Variants in TNFAIP8 observed in about 807,000 individuals in gnomAD.
TNFAIP8 encodes the protein tumor necrosis factor alpha-induced protein 8.
Under a neutral mutation model 13.3 loss-of-function variants are expected in TNFAIP8, and 7 were observed. The observed-to-expected ratio is 0.52, with a 90% CI of 0.30 to 0.99. The LOEUF (loss-of-function observed/expected upper bound fraction) is 0.99, where lower values mean the gene tolerates loss of function less well. Ranked by LOEUF, TNFAIP8 falls within the 50% of genes least tolerant of loss-of-function variation. The pLI, the probability that TNFAIP8 is intolerant of heterozygous loss-of-function variation, is 0.07. For synonymous variants in TNFAIP8, 94 were observed against 87.6 expected (o/e 1.07, Z -0.41); for missense variants, 258 against 236.9 (o/e 1.09, Z -0.58).
chr5:119,376,896 G>A (rs1236344303), intron 1 of TNFAIP8, among the ~76,000 whole-genome samples: 3 of 152,022 alleles, frequency 2.0e-5, no homozygotes, highest in South Asian at 2.1e-4. Context: ...TCGCCTTTTC[G>A]GAAAGGCCTT....
intron 1 of TNFAIP8, among the ~76,000 whole-genome samples, chr5:119,379,172 T>C (rs778122382): frequency 7.9e-5 from 12 of 152,168 alleles, no homozygotes; most frequent in Non-Finnish European, 1.5e-4. Context: ...AGAAATTGAG[T>C]TGATTTCCTG....
At chr5:119,295,253 C>T (rs1255300497) in intron 1 of TNFAIP8, among the ~76,000 whole-genome samples, 2 of 73,430 alleles carry the variant, frequency 2.7e-5, no homozygotes, top group African/African-American at 9.4e-5. Flanking sequence ...AACGTTTAGT[C>T]TAACGTTAGA....
chr5:119,318,525 G>A (rs1749963517), intron 1 of TNFAIP8, among the ~76,000 whole-genome samples: 1 of 152,030 alleles, frequency 6.6e-6, no homozygotes, highest in Non-Finnish European at 1.5e-5. Context: ...TGAACTCCTT[G>A]ACTCAAGTGA....
rs1411242532 is a variant in TNFAIP8, at chr5:119,364,635, A to G, written c.31+8514A>G. Among the ~76,000 whole-genome samples, 4 of 152,262 alleles carry G rather than the reference A, an allele frequency of 2.6e-5. No homozygotes were observed. The East Asian group carries it at 7.7e-4, about 29-fold the overall frequency. ...AGTGCTAGAATCACAGGGATGAGCC[A>G]CCGCGCCCAGTTATCACTCTTATCA... On this transcript the variant is annotated intron_variant, in intron 1 of 1. Coordinates refer to ENST00000504771, the MANE Select transcript of TNFAIP8 (RefSeq NM_014350.4).
At chr5:119,283,809 C>T (rs1015688253) in intron 1 of TNFAIP8, among the ~76,000 whole-genome samples, 1 of 152,154 alleles carries the variant, frequency 6.6e-6, no homozygotes, top group Non-Finnish European at 1.5e-5. Flanking sequence ...TGAAGCAGTA[C>T]TGGAAATGAC....
At chr5:119,296,922 T>C (rs937001208) in intron 1 of TNFAIP8, among the ~76,000 whole-genome samples, 23 of 152,068 alleles carry the variant, frequency 1.5e-4, no homozygotes, top group Non-Finnish European at 1.6e-4. Context: ...GTAGAGGTGT[T>C]TGTAGTATTC....
In TNFAIP8 at chr5:119,399,005, A is replaced by C. The variant is rs539321910; in HGVS notation, c.*5624A>C. On this transcript the variant is annotated 3_prime_UTR_variant, in exon 2 of 2. Transcript: ENST00000504771. The stretch of plus-strand genomic sequence containing the variant: ...ATTATAAAATACTATAAGACATTTA[A>C]TCTCCTGGAAGAGGACTTGCTGATA... 1.3e-5 allele frequency: 2 copies of C among 152,080 alleles called. No homozygotes were observed. Among genetic ancestry groups the C allele is most frequent in the East Asian group, 3.9e-4 (2 of 5,186 alleles). 9.4% of individuals were successfully genotyped at this position (152,080 alleles called of 1,614,324 possible). A position where few individuals can be genotyped will look rare whatever the true frequency, so the allele number is the denominator to read the frequency against.
rs931772963 is a variant in TNFAIP8, at chr5:119,322,478, CCAATAA to C, written c.1+53573_1+53578del. ...CTCCCATTTGGCCCCCTGCTGTTTA[CCAATAA>C]CTCCAGAAATACACAGGCGTGGAGA... On this transcript the variant is annotated intron_variant, in intron 1 of 1. Coordinates refer to the TNFAIP8 transcript ENST00000274456. Among the ~76,000 whole-genome samples, 12 of 152,280 alleles carry C rather than the reference CCAATAA, an allele frequency of 7.9e-5. No homozygotes were observed. In the East Asian group the frequency reaches 2.3e-3, roughly 29 times the overall value.
In TNFAIP8 at chr5:119,398,406, T is replaced by G. The variant is rs1029971237; in HGVS notation, c.*5025T>G. The G allele has an allele frequency of 1.3e-5, 2 of 152,108 alleles. No individual in the cohort carries two copies. Among genetic ancestry groups the G allele is most frequent in the African/African-American group, 4.8e-5 (2 of 41,418 alleles). The allele number at this position is 152,108 out of a possible 1,614,324, so 9.4% of individuals were successfully genotyped here. On this transcript the variant is annotated 3_prime_UTR_variant, in exon 2 of 2. Coordinates refer to ENST00000504771, the MANE Select transcript of TNFAIP8 (RefSeq NM_014350.4). Reference sequence around the variant, plus strand: ...ATTCGTTTAAAACTGCCAGGCTGAGTGCGGTGGCTCATGCCTGTAATCCCA... The same window carrying G: ...ATTCGTTTAAAACTGCCAGGCTGAGGGCGGTGGCTCATGCCTGTAATCCCA...
chr5:119,276,707 G>C (rs936059967), intron 1 of TNFAIP8, among the ~76,000 whole-genome samples: 1 of 152,110 alleles, frequency 6.6e-6, no homozygotes, highest in African/African-American at 2.4e-5. Context: ...TAGAGTGCCA[G>C]TCATATTAGA....
chr5:119,339,236 C>T (rs1750656034), intron 1 of TNFAIP8, among the ~76,000 whole-genome samples: 1 of 152,094 alleles, frequency 6.6e-6, no homozygotes, highest in Non-Finnish European at 1.5e-5. Flanking sequence ...TCCAGAAGCC[C>T]CCAACACATT....
chr5:119,383,648 A>G lies in TNFAIP8; in HGVS notation c.32-9168A>G, dbSNP rs140347294. Among the ~76,000 whole-genome samples, 793 of 152,296 alleles carry G rather than the reference A, an allele frequency of 5.2e-3. 10 individuals carry two copies. The highest frequency in any genetic ancestry group is 0.018 in the African/African-American group (761 of 41,556). On this transcript the variant is annotated intron_variant, in intron 1 of 1. Transcript: ENST00000504771. ...GACTTCTTTGCACTGCTCAGTATCTATTCATGTATTTGCTTAGTTATGCAG... is the reference window on the plus strand; with the variant it reads ...GACTTCTTTGCACTGCTCAGTATCTGTTCATGTATTTGCTTAGTTATGCAG...
chr5:119,382,427 A>G (rs1202283399), intron 1 of TNFAIP8, among the ~76,000 whole-genome samples: 8 of 152,122 alleles, frequency 5.3e-5, no homozygotes, highest in Admixed American at 2.0e-4. Context: ...ACACTCAACA[A>G]AAGTTTTTGT....
intron 1 of TNFAIP8, among the ~76,000 whole-genome samples, chr5:119,294,966 G>A (rs1159823768): frequency 1.3e-5 from 2 of 151,864 alleles, no homozygotes; most frequent in South Asian, 2.1e-4. Context: ...AGTAGGTTGC[G>A]AAAATTTTCT....
At chr5:119,303,218 C>T (rs1261438185) in intron 1 of TNFAIP8, among the ~76,000 whole-genome samples, 1 of 152,150 alleles carries the variant, frequency 6.6e-6, no homozygotes, top group East Asian at 1.9e-4. Context: ...ATTACCCATG[C>T]CAGTGAGGTC....
At chr5:119,345,619 C>G (rs1750872065) in intron 1 of TNFAIP8, among the ~76,000 whole-genome samples, 1 of 152,212 alleles carries the variant, frequency 6.6e-6, no homozygotes, top group South Asian at 2.1e-4. Context: ...GACAAATACT[C>G]TTTAATTCCA....
chr5:119,344,367 G>C (rs926246510), intron 1 of TNFAIP8, among the ~76,000 whole-genome samples: 4 of 152,138 alleles, frequency 2.6e-5, no homozygotes, highest in East Asian at 3.8e-4. Flanking sequence ...CATGGGGAGG[G>C]CACCAAGCCA....
chr5:119,275,105 A>G (rs1748399495), intron 1 of TNFAIP8, among the ~76,000 whole-genome samples: 1 of 152,058 alleles, frequency 6.6e-6, no homozygotes, highest in African/African-American at 2.4e-5. Context: ...CAACATATAA[A>G]ATAAACACAA....
At chr5:119,304,359 A>T (rs1164819383) in intron 1 of TNFAIP8, among the ~76,000 whole-genome samples, 1 of 152,190 alleles carries the variant, frequency 6.6e-6, no homozygotes, top group African/African-American at 2.4e-5. Flanking sequence ...AGGCCTCTTT[A>T]TCTGGTTCCT....
Sources: gnomAD v4.1 joint callset for allele counts (sites outside exome capture counted in the v4.1 genomes callset) on GRCh38, gnomAD v4.1.1 for gene constraint, MANE v1.5 for transcripts, NCBI Gene and HGNC (gene_info 2026-07-23, HGNC 2026-07-21) for gene names.